TC2N: variants seen among roughly 807,000 people sequenced by gnomAD.
The protein encoded by TC2N is tandem C2 domains nuclear protein.
A neutral mutation model predicts 61.9 loss-of-function variants in TC2N; 51 were observed. That is an observed-to-expected ratio of 0.82 (90% confidence interval 0.66 to 1.04). The LOEUF (loss-of-function observed/expected upper bound fraction) is 1.04, where lower values mean the gene tolerates loss of function less well. Ranked by LOEUF, TC2N falls within the 50% of genes least tolerant of loss-of-function variation. The pLI, the probability that TC2N is intolerant of heterozygous loss-of-function variation, is 0.00. For missense variants in TC2N, 556 were observed against 566.7 expected, an observed-to-expected ratio of 0.98 and a Z score of 0.19; for synonymous variants, 204 against 192.6, an observed-to-expected ratio of 1.06 and a Z score of -0.49.
chr14:91,825,920 T>C (rs895672152), intron 1 of TC2N, among the ~76,000 whole-genome samples: 8 of 152,220 alleles, frequency 5.3e-5, no homozygotes, highest in African/African-American at 1.4e-4. Context: ...ATGATATTCA[T>C]AGTATATCAT....
At chr14:91,798,160 T>A (rs2139839669) in intron 7 of TC2N, 139 bp downstream of exon 7, 1 of 575,562 alleles carries the variant, frequency 1.7e-6, no homozygotes, top group African/African-American at 2.0e-5. Context: ...TTAAATACTA[T>A]TTTCTGTAAA....
At chr14:91,803,996 G>A (rs947297600) in intron 3 of TC2N, among the ~76,000 whole-genome samples, 1 of 152,054 alleles carries the variant, frequency 6.6e-6, no homozygotes, top group Non-Finnish European at 1.5e-5. Flanking sequence ...GAATACATGA[G>A]GAACACCTAC....
At chr14:91,818,522 A>G (rs1304318779) in intron 1 of TC2N, among the ~76,000 whole-genome samples, 1 of 152,126 alleles carries the variant, frequency 6.6e-6, no homozygotes, top group Non-Finnish European at 1.5e-5. Flanking sequence ...AAAAAGTACC[A>G]GGTATACAAG....
At chr14:91,863,829 C>CAAAAA (rs35582740) in intron 1 of TC2N, among the ~76,000 whole-genome samples, 5 of 61,012 alleles carry the variant, frequency 8.2e-5, no homozygotes, top group African/African-American at 2.0e-4. Context: ...TCCATCTCTA[C>CAAAAA]AAAAAAAAAA....
intron 1 of TC2N, among the ~76,000 whole-genome samples, chr14:91,833,160 T>C (rs145643347): frequency 6.6e-5 from 10 of 152,352 alleles, no homozygotes; most frequent in Admixed American, 6.5e-4. Context: ...AAGCAATACA[T>C]AGGCACGGGG....
chr14:91,863,829 C>CA (rs35582740), intron 1 of TC2N, among the ~76,000 whole-genome samples: 12,151 of 60,988 alleles, frequency 0.2, 1,018 homozygotes, highest in Non-Finnish European at 0.24. Context: ...TCCATCTCTA[C>CA]AAAAAAAAAA....
chr14:91,795,406 T>C (rs569385302), intron 8 of TC2N, among the ~76,000 whole-genome samples: 15 of 152,218 alleles, frequency 9.9e-5, no homozygotes, highest in African/African-American at 3.4e-4. Context: ...GAAGAGTCAA[T>C]AGATGTGGCC....
intron 1 of TC2N, among the ~76,000 whole-genome samples, chr14:91,862,467 C>T (rs970785903): frequency 6.6e-6 from 1 of 152,158 alleles, no homozygotes; most frequent in Admixed American, 6.5e-5. Context: ...TCACCTCAGC[C>T]GTCAACAGGT....
At chr14:91,821,060 A>C (rs368564304) in intron 1 of TC2N, among the ~76,000 whole-genome samples, 72 of 152,148 alleles carry the variant, frequency 4.7e-4, no homozygotes, top group Admixed American at 1.4e-3. Flanking sequence ...CCCCAAATTG[A>C]TCTACAGATT....
At position 91,798,891 on chromosome 14, in the gene TC2N, A is replaced by G. The variant is rs1056607656; in HGVS notation, c.637+98T>C. Reference sequence around the variant, plus strand: ...TTTATTATATCAACATAGTAGATACAATCATCTAGAGTTTTTCACCTTATA... The same window carrying G: ...TTTATTATATCAACATAGTAGATACGATCATCTAGAGTTTTTCACCTTATA... On this transcript the variant is annotated intron_variant, in intron 6 of 11. Coordinates refer to ENST00000435962, the MANE Select transcript of TC2N (RefSeq NM_001128596.3). 15 of 734,804 alleles carry G rather than the reference A, an allele frequency of 2.0e-5. No individual in the cohort carries two copies. The Admixed American group carries it at 4.1e-4, about 20-fold the overall frequency. 45.5% of individuals were successfully genotyped at this position (734,804 alleles called of 1,614,324 possible). A position where few individuals can be genotyped will look rare whatever the true frequency, so the allele number is the denominator to read the frequency against.
intron 3 of TC2N, among the ~76,000 whole-genome samples, chr14:91,810,295 A>G (rs908633512): frequency 3.3e-5 from 5 of 152,100 alleles, no homozygotes; most frequent in Non-Finnish European, 7.3e-5. Context: ...CCCACCTCCA[A>G]CATTGGGAAT....
intron 1 of TC2N, among the ~76,000 whole-genome samples, chr14:91,821,571 C>A (rs1887256197): frequency 6.6e-6 from 1 of 151,906 alleles, no homozygotes; most frequent in Non-Finnish European, 1.5e-5. Flanking sequence ...AGGAGTAAAT[C>A]TTTGTAAACT....
chr14:91,844,653 C>T (rs1222153802), intron 1 of TC2N, among the ~76,000 whole-genome samples: 1 of 147,868 alleles, frequency 6.8e-6, no homozygotes, highest in Non-Finnish European at 1.5e-5. Flanking sequence ...CTCAGCTACT[C>T]GGGAGGGTGA....
intron 1 of TC2N, among the ~76,000 whole-genome samples, chr14:91,820,846 C>T (rs1887215019): frequency 6.6e-6 from 1 of 151,776 alleles, no homozygotes; most frequent in Non-Finnish European, 1.5e-5. Flanking sequence ...AAAACAATTC[C>T]ATTCATAATA....
At chr14:91,795,374 A>G (rs1885847959) in intron 8 of TC2N, among the ~76,000 whole-genome samples, 1 of 152,154 alleles carries the variant, frequency 6.6e-6, no homozygotes, top group Non-Finnish European at 1.5e-5. Context: ...ATCACATACT[A>G]CAGGGAACTT....
intron 1 of TC2N, among the ~76,000 whole-genome samples, chr14:91,840,517 C>G (rs553220720): frequency 2.6e-5 from 4 of 152,308 alleles, no homozygotes; most frequent in East Asian, 3.9e-4. Context: ...ACATCTTGAC[C>G]TGAAAACAAG....
intron 1 of TC2N, among the ~76,000 whole-genome samples, chr14:91,850,714 T>G (rs1888358852): frequency 6.6e-6 from 1 of 152,208 alleles, no homozygotes; most frequent in Non-Finnish European, 1.5e-5. Context: ...CGGCAGATCA[T>G]GAGGTCAGGA....
At chr14:91,787,475 T>C in intron 10 of TC2N, 38 bp downstream of exon 10, 2 of 1,251,626 alleles carry the variant, frequency 1.6e-6, no homozygotes, top group Non-Finnish European at 2.3e-6. Flanking sequence ...TTACTAATAC[T>C]TTCTGAAGAT....
chr14:91,854,416 AG>A (rs949423424), intron 1 of TC2N, among the ~76,000 whole-genome samples: 4 of 90,824 alleles, frequency 4.4e-5, no homozygotes, highest in Admixed American at 1.5e-4. Context: ...GAGGAGGAGG[AG>A]GGGGAGGGGG....
Sources: gnomAD v4.1 joint callset for allele counts (sites outside exome capture counted in the v4.1 genomes callset) on GRCh38, gnomAD v4.1.1 for gene constraint, MANE v1.5 for transcripts, NCBI Gene and HGNC (gene_info 2026-07-23, HGNC 2026-07-21) for gene names.